Variants in KCNIP4 observed in about 807,000 individuals in gnomAD.
KCNIP4 encodes potassium voltage-gated channel interacting protein 4, also known as Kv channel-interacting protein 4.
Under a neutral mutation model 34.0 loss-of-function variants are expected in KCNIP4, and 12 were observed. The ratio of observed to expected loss-of-function variants is 0.35; its 90% CI spans 0.23 to 0.57. KCNIP4 has a LOEUF of 0.57. KCNIP4 is among the 20% of genes least tolerant of loss of function. The pLI, the probability that KCNIP4 is intolerant of heterozygous loss-of-function variation, is 0.83. For missense variants in KCNIP4, 238 were observed against 311.7 expected (o/e 0.76, Z 1.78); for synonymous variants, 124 against 102.2 (o/e 1.21, Z -1.29).
At chr4:21,176,558 G>C (rs1211545682) in intron 1 of KCNIP4, among the ~76,000 whole-genome samples, 1 of 151,874 alleles carries the variant, frequency 6.6e-6, no homozygotes, top group Non-Finnish European at 1.5e-5. Flanking sequence ...CACTCTTATT[G>C]CCCAGGCTAG....
intron 1 of KCNIP4, among the ~76,000 whole-genome samples, chr4:21,706,451 A>C (rs967310340): frequency 6.6e-6 from 1 of 152,198 alleles, no homozygotes; most frequent in Non-Finnish European, 1.5e-5. Flanking sequence ...GAAATAAGTT[A>C]CAGAAGGACA....
At chr4:21,627,401 C>T (rs1419684693) in intron 1 of KCNIP4, among the ~76,000 whole-genome samples, 1 of 152,116 alleles carries the variant, frequency 6.6e-6, no homozygotes, top group African/African-American at 2.4e-5. Flanking sequence ...CATGCATGCT[C>T]ACACACCCAA....
At chr4:20,765,732 C>G (rs1019838005) in intron 3 of KCNIP4, among the ~76,000 whole-genome samples, 3 of 152,136 alleles carry the variant, frequency 2.0e-5, no homozygotes, top group African/African-American at 4.8e-5. Context: ...GCCTGTGAAA[C>G]CCTTCACTGT....
chr4:21,329,498 G>T (rs1255868659), intron 1 of KCNIP4, among the ~76,000 whole-genome samples: 1 of 152,170 alleles, frequency 6.6e-6, no homozygotes, highest in Non-Finnish European at 1.5e-5. Context: ...ATACAATGAG[G>T]TTATTTCTTT....
chr4:21,283,183 G>C (rs1389504405), intron 1 of KCNIP4, among the ~76,000 whole-genome samples: 6 of 152,148 alleles, frequency 3.9e-5, no homozygotes, highest in African/African-American at 1.4e-4. Context: ...TGGGAGTGGA[G>C]GTTAACTGTA....
intron 5 of KCNIP4, among the ~76,000 whole-genome samples, chr4:20,749,434 T>G (rs905267171): frequency 6.6e-6 from 1 of 152,164 alleles, no homozygotes; most frequent in Non-Finnish European, 1.5e-5. Flanking sequence ...ATTGAAGAAG[T>G]GGACTCTCCT....
At chr4:21,623,524 T>C (rs944480463) in intron 1 of KCNIP4, among the ~76,000 whole-genome samples, 2 of 152,236 alleles carry the variant, frequency 1.3e-5, no homozygotes, top group African/African-American at 4.8e-5. Context: ...TTTTAGCTTA[T>C]GTTGGTTCCC....
At chr4:21,512,261 T>G (rs1329252776) in intron 1 of KCNIP4, among the ~76,000 whole-genome samples, 1 of 152,202 alleles carries the variant, frequency 6.6e-6, no homozygotes, top group Admixed American at 6.5e-5. Context: ...CATATTTATT[T>G]CAGTCTGCCT....
rs561060988 is a variant in KCNIP4, at chr4:21,417,075, C to T, written c.61+531496G>A. 1.2e-4 allele frequency among the ~76,000 whole-genome samples: 18 copies of T among 152,270 alleles called. No individual in the cohort carries two copies. In the South Asian group the frequency reaches 3.1e-3, roughly 26 times the overall value. Reference sequence around the variant, plus strand: ...ATGGCAGCCTCCACTCTTGGAAAATCGAACTGGGATTGTAGCACCCATCAT... The same window carrying T: ...ATGGCAGCCTCCACTCTTGGAAAATTGAACTGGGATTGTAGCACCCATCAT... On this transcript the variant is annotated intron_variant, in intron 1 of 8. Transcript: ENST00000382152.
chr4:21,054,705 T>C (rs1187886108), intron 1 of KCNIP4, among the ~76,000 whole-genome samples: 1 of 95,630 alleles, frequency 1.0e-5, no homozygotes, highest in East Asian at 2.4e-4. Flanking sequence ...AATACTCACA[T>C]GCAAAAAAAA....
At chr4:21,608,921 G>A (rs1294714451) in intron 1 of KCNIP4, 1 of 152,162 alleles carries the variant, frequency 6.6e-6, no homozygotes, top group Non-Finnish European at 1.5e-5. Context: ...TTGAAAACAA[G>A]TCACCCGGAG....
chr4:21,068,288 C>A (rs935384060), intron 1 of KCNIP4, among the ~76,000 whole-genome samples: 2 of 152,170 alleles, frequency 1.3e-5, no homozygotes, highest in African/African-American at 4.8e-5. Flanking sequence ...TCCTGCTTCC[C>A]CCATGAATCC....
intron 1 of KCNIP4, among the ~76,000 whole-genome samples, chr4:21,329,937 C>T (rs1194162050): frequency 6.6e-6 from 1 of 152,096 alleles, no homozygotes; most frequent in Non-Finnish European, 1.5e-5. Flanking sequence ...GAGATGAGCT[C>T]AAGGCCTCCT....
intron 1 of KCNIP4, among the ~76,000 whole-genome samples, chr4:21,395,281 T>A (rs112698067): frequency 6.6e-6 from 1 of 152,138 alleles, no homozygotes; most frequent in Non-Finnish European, 1.5e-5. Context: ...TTGGGAGAGT[T>A]TCTAGGCCAA....
At chr4:21,335,441 G>T in intron 1 of KCNIP4, among the ~76,000 whole-genome samples, 1 of 152,148 alleles carries the variant, frequency 6.6e-6, no homozygotes, top group East Asian at 1.9e-4. Context: ...ATATGATACC[G>T]AAAGCATTTG....
intron 1 of KCNIP4, among the ~76,000 whole-genome samples, chr4:21,887,618 G>A (rs1057365569): frequency 9.2e-5 from 14 of 152,068 alleles, no homozygotes; most frequent in African/African-American, 3.1e-4. Flanking sequence ...AGAAACTTAC[G>A]AAAGAAAATG....
chr4:20,769,847 C>T (rs1755720357), intron 3 of KCNIP4, among the ~76,000 whole-genome samples: 1 of 152,178 alleles, frequency 6.6e-6, no homozygotes, highest in African/African-American at 2.4e-5. Flanking sequence ...ATTCCATCTT[C>T]AAACCAGCAA....
chr4:20,793,404 G>A (rs1261699076), intron 3 of KCNIP4, among the ~76,000 whole-genome samples: 1 of 152,132 alleles, frequency 6.6e-6, no homozygotes, highest in Non-Finnish European at 1.5e-5. Flanking sequence ...GATTGGCAAG[G>A]AAGGGAACTA....
chr4:21,381,756 G>A (rs1434262927), intron 1 of KCNIP4, among the ~76,000 whole-genome samples: 2 of 152,266 alleles, frequency 1.3e-5, no homozygotes, highest in East Asian at 1.9e-4. Context: ...AATTACCAAG[G>A]AATAAATTAA....
Sources: gnomAD v4.1 joint callset for allele counts (sites outside exome capture counted in the v4.1 genomes callset) on GRCh38, gnomAD v4.1.1 for gene constraint, MANE v1.5 for transcripts, NCBI Gene and HGNC (gene_info 2026-07-23, HGNC 2026-07-21) for gene names.